The following ANO6 variants were observed in gnomAD, a reference collection of about 807,000 sequenced individuals.
ANO6 encodes the protein anoctamin 6.
In ANO6, 106 loss-of-function variants were observed where a neutral mutation model predicts 117.5. The observed-to-expected ratio is 0.90, with a 90% confidence interval of 0.77 to 1.06. The LOEUF (loss-of-function observed/expected upper bound fraction) is 1.06, where lower values mean the gene tolerates loss of function less well. Among genes scored for constraint, ANO6 ranks in the 50% least tolerant of loss-of-function variants. The probability of loss-of-function intolerance (pLI) is 0.00; values close to 1 mark genes in which losing one functional copy is unlikely to be tolerated. For missense variants in ANO6, 955 were observed against 1,121.1 expected, an observed-to-expected ratio of 0.85 and a Z score of 2.12; for synonymous variants, 367 against 385.1, an observed-to-expected ratio of 0.95 and a Z score of 0.55.
intron 1 of ANO6, among the ~76,000 whole-genome samples, chr12:45,288,522 C>T (rs1938991319): frequency 6.6e-6 from 1 of 152,120 alleles, no homozygotes. Context: ...GTTTATGTTG[C>T]TTAGCCTGAT....
intron 1 of ANO6, among the ~76,000 whole-genome samples, chr12:45,256,258 A>AT (rs1439776009): frequency 1.3e-5 from 2 of 152,154 alleles, no homozygotes; most frequent in Admixed American, 6.5e-5. Context: ...AATTCACAGT[A>AT]TTTTTTGTTC....
intron 17 of ANO6, among the ~76,000 whole-genome samples, chr12:45,419,987 C>CTT (rs1188578390): frequency 1.3e-5 from 2 of 150,976 alleles, no homozygotes; most frequent in Non-Finnish European, 2.9e-5. Flanking sequence ...AGTTTAGAGA[C>CTT]TTAGATACTA....
At chr12:45,420,994 G>A (rs1943345441) in intron 17 of ANO6, 77 bp from the exon 18 acceptor site, 2 of 1,481,286 alleles carry the variant, frequency 1.4e-6, no homozygotes, top group Non-Finnish European at 1.9e-6. Context: ...CATGCAGCCT[G>A]GGCAGCAAGA....
At chr12:45,219,059 C>G (rs1947357446) in intron 1 of ANO6, among the ~76,000 whole-genome samples, 1 of 152,130 alleles carries the variant, frequency 6.6e-6, no homozygotes, top group Non-Finnish European at 1.5e-5. Context: ...GCTGCCTTTG[C>G]TTCCCAAAGC....
chr12:45,324,857 A>T (rs1457814430), intron 2 of ANO6, among the ~76,000 whole-genome samples: 1 of 152,154 alleles, frequency 6.6e-6, no homozygotes, highest in Non-Finnish European at 1.5e-5. Context: ...ATAGCTTAAA[A>T]TTTGAGGGAC....
Position 45,431,533 on chromosome 12 carries a change from G to A in ANO6, c.*2222G>A, listed in dbSNP as rs1182964247. On this transcript the variant is annotated 3_prime_UTR_variant, in exon 20 of 20. Transcript: ENST00000320560. ...TTAAATGTGCTGCTGTGGACAGGAG[G>A]GGAAAAAAAACCCTCTACATATTGA... 4.1e-6 allele frequency: 4 copies of A among 984,320 alleles called. No homozygotes were observed. In the African/African-American group the frequency reaches 7.0e-5, roughly 17 times the overall value. 61.0% of individuals were successfully genotyped at this position (984,320 alleles called of 1,614,324 possible). A position where few individuals can be genotyped will look rare whatever the true frequency, so the allele number is the denominator to read the frequency against.
At chr12:45,270,511 C>G (rs1408529606) in intron 1 of ANO6, 5 of 1,249,496 alleles carry the variant, frequency 4.0e-6, no homozygotes, top group Non-Finnish European at 3.3e-6. Flanking sequence ...ATACTCACCT[C>G]CCATCCAGCC....
chr12:45,358,158 G>A (rs777921036), intron 8 of ANO6, among the ~76,000 whole-genome samples: 5 of 152,280 alleles, frequency 3.3e-5, no homozygotes, highest in African/African-American at 1.2e-4. Flanking sequence ...ATCCAGGTGT[G>A]CCAGCCAGAT....
chr12:45,343,662 G>A (rs1362975006), intron 3 of ANO6, among the ~76,000 whole-genome samples: 2 of 152,182 alleles, frequency 1.3e-5, no homozygotes, highest in African/African-American at 4.8e-5. Flanking sequence ...TCAGAAAAAT[G>A]TTAGAGAACT....
chr12:45,415,830 C>T (rs945748189), intron 16 of ANO6, among the ~76,000 whole-genome samples: 2 of 152,104 alleles, frequency 1.3e-5, no homozygotes, highest in African/African-American at 4.8e-5. Flanking sequence ...CCTAATGGAA[C>T]TCTATGTTTT....
rs1942612685 is a variant in ANO6 at position 45,396,339 on chromosome 12, A to T, written c.1387-5456A>T. The stretch of plus-strand genomic sequence containing the variant: ...TACAAACCACTGCTCAACGAAATAA[A>T]AGAGAACACAAACAAATGGAAGAAT... On this transcript the variant is annotated intron_variant, in intron 12 of 19. Coordinates refer to ENST00000320560, the MANE Select transcript of ANO6 (RefSeq NM_001025356.3). Among the ~76,000 whole-genome samples the T allele has an allele frequency of 7.2e-5, 11 of 152,180 alleles. No homozygotes were observed. The South Asian group carries it at 2.3e-3, about 32-fold the overall frequency.
At chr12:45,371,184 A>C (rs1179659218) in intron 9 of ANO6, among the ~76,000 whole-genome samples, 3 of 152,172 alleles carry the variant, frequency 2.0e-5, no homozygotes, top group Non-Finnish European at 4.4e-5. Flanking sequence ...ACAAGATTAT[A>C]TCCCGCACCT....
chr12:45,428,201 C>T (rs185107805), intron 19 of ANO6, among the ~76,000 whole-genome samples: 1 of 152,284 alleles, frequency 6.6e-6, no homozygotes, highest in African/African-American at 2.4e-5. Context: ...TGGAAACAAC[C>T]TCAATGCCTG....
At chr12:45,411,423 G>T (rs923267992) in intron 16 of ANO6, among the ~76,000 whole-genome samples, 6 of 152,312 alleles carry the variant, frequency 3.9e-5, no homozygotes, top group Admixed American at 6.5e-5. Context: ...ATTTCTGGGA[G>T]TAGGCAGTCT....
intron 3 of ANO6, among the ~76,000 whole-genome samples, chr12:45,334,824 A>G (rs1940778177): frequency 6.6e-6 from 1 of 152,084 alleles, no homozygotes; most frequent in African/African-American, 2.4e-5. Flanking sequence ...CATAAAACAA[A>G]TTCCCATATA....
intron 8 of ANO6, among the ~76,000 whole-genome samples, chr12:45,362,782 G>C (rs1283217354): frequency 6.6e-6 from 1 of 151,920 alleles, no homozygotes; most frequent in East Asian, 1.9e-4. Flanking sequence ...ATTTCAAATA[G>C]TACACAAAAA....
In ANO6 at chr12:45,347,056, G is replaced by A; in HGVS notation, c.314G>A (p.Cys105Tyr). ...CAAGCATACGAATCTAACCTTATCTGTCATGGCCTGCAGTTAGAAGCAACA... is the reference window on the plus strand; with the variant it reads ...CAAGCATACGAATCTAACCTTATCTATCATGGCCTGCAGTTAGAAGCAACA... ...KRQAYESNLICHGLQLEATRS... is the reference protein window; with the variant it reads ...KRQAYESNLIYHGLQLEATRS... The change falls in exon 4 of 20, where the codon TGT (cysteine) becomes TAT (tyrosine). Residue 105 changes from cysteine to tyrosine, a missense_variant. Transcript: ENST00000320560. The A allele has an allele frequency of 6.2e-7, 1 of 1,613,978 alleles. No homozygotes were observed. Among genetic ancestry groups the A allele is most frequent in the South Asian group, 1.1e-5 (1 of 91,072 alleles).
At chr12:45,310,068 A>G (rs984402523) in intron 2 of ANO6, among the ~76,000 whole-genome samples, 10 of 152,224 alleles carry the variant, frequency 6.6e-5, no homozygotes, top group African/African-American at 2.4e-4. Flanking sequence ...TGGAATGTGC[A>G]TTTTTGTCTG....
At chr12:45,414,689 T>C (rs1370016404) in intron 16 of ANO6, among the ~76,000 whole-genome samples, 1 of 152,226 alleles carries the variant, frequency 6.6e-6, no homozygotes, top group African/African-American at 2.4e-5. Flanking sequence ...TTCCCAATAC[T>C]GTCTATGCAA....
Sources: allele counts gnomAD v4.1 joint callset (sites outside exome capture counted in the v4.1 genomes callset), GRCh38; gene constraint gnomAD v4.1.1; transcripts MANE v1.5; gene names NCBI Gene and HGNC (gene_info 2026-07-23, HGNC 2026-07-21).